Variants in CDC14A observed in about 807,000 individuals in gnomAD.
The protein encoded by CDC14A is dual specificity protein phosphatase CDC14A.
CDC14A carries 53 observed loss-of-function variants against 74.4 expected under a neutral mutation model. The ratio of observed to expected loss-of-function variants is 0.71; its 90% confidence interval spans 0.57 to 0.89. CDC14A has a LOEUF of 0.89. Among genes scored for constraint, CDC14A ranks in the 40% least tolerant of loss-of-function variants. CDC14A has a pLI of 0.00. For synonymous variants in CDC14A, 247 were observed against 258.4 expected (o/e 0.96, Z 0.43); for missense variants, 646 against 713.7 (o/e 0.91, Z 1.08).
chr1:100,410,046 T>C (rs1471278117), intron 4 of CDC14A, among the ~76,000 whole-genome samples: 1 of 151,906 alleles, frequency 6.6e-6, no homozygotes, highest in Non-Finnish European at 1.5e-5. Context: ...CTTGTCTGTA[T>C]AAAAAATAAA....
chr1:100,369,855 A>G (rs556966510), intron 2 of CDC14A, among the ~76,000 whole-genome samples: 57 of 151,268 alleles, frequency 3.8e-4, no homozygotes, highest in Non-Finnish European at 7.4e-4. Flanking sequence ...GAGACACCTA[A>G]GTTGGAGTGC....
At chr1:100,429,032 C>G (rs1223393444) in intron 5 of CDC14A, among the ~76,000 whole-genome samples, 2 of 151,472 alleles carry the variant, frequency 1.3e-5, no homozygotes, top group African/African-American at 4.9e-5. Context: ...GAAACCCTGT[C>G]TCTACTAAAA....
intron 4 of CDC14A, chr1:100,394,020 C>A: frequency 3.8e-6 from 1 of 263,522 alleles, no homozygotes; most frequent in South Asian, 4.1e-5. Flanking sequence ...AAACCTGTGC[C>A]TGCCATTCTG....
At chr1:100,443,348 T>G (rs1665175323) in intron 7 of CDC14A, among the ~76,000 whole-genome samples, 1 of 152,128 alleles carries the variant, frequency 6.6e-6, no homozygotes, top group South Asian at 2.1e-4. Flanking sequence ...TATTTATTTA[T>G]TTTTGAGGCG....
At chr1:100,400,750 A>C (rs1181631396) in intron 4 of CDC14A, among the ~76,000 whole-genome samples, 3 of 152,184 alleles carry the variant, frequency 2.0e-5, no homozygotes, top group Non-Finnish European at 4.4e-5. Context: ...ATATGGGTAG[A>C]GCAGTGTCAC....
chr1:100,490,142 C>T lies in CDC14A; in HGVS notation c.1138-4676C>T, dbSNP rs1016376585. Among the ~76,000 whole-genome samples, 10 of 152,330 alleles carry T rather than the reference C, an allele frequency of 6.6e-5. No individual in the cohort carries two copies. In the South Asian group the frequency reaches 2.1e-3, roughly 32 times the overall value. On this transcript the variant is annotated intron_variant, in intron 11 of 15. Transcript: ENST00000336454. ...TTTGCTAATAAACATTTTCCTCCCACAGGCTCTTATGACCTGGTACATCTT... is the reference window on the plus strand; with the variant it reads ...TTTGCTAATAAACATTTTCCTCCCATAGGCTCTTATGACCTGGTACATCTT...
intron 8 of CDC14A, among the ~76,000 whole-genome samples, chr1:100,457,634 T>TAA (rs1206136809): frequency 7.4e-6 from 1 of 135,140 alleles, no homozygotes; most frequent in African/African-American, 3.4e-5. Flanking sequence ...TGGTTTTTTT[T>TAA]TTTTTTTTTA....
chr1:100,397,257 G>T (rs1009698755), intron 4 of CDC14A, among the ~76,000 whole-genome samples: 5 of 152,168 alleles, frequency 3.3e-5, no homozygotes, highest in African/African-American at 1.2e-4. Flanking sequence ...TTTTAGGGAT[G>T]CCTCTACTAG....
upstream of CDC14A, among the ~76,000 whole-genome samples, chr1:100,351,038 A>G (rs1318263126): frequency 2.0e-5 from 3 of 152,192 alleles, no homozygotes. Flanking sequence ...TACAAAAAAT[A>G]CAAAAATTAG....
At chr1:100,464,467 C>G (rs1192353819) in intron 9 of CDC14A, among the ~76,000 whole-genome samples, 1 of 152,154 alleles carries the variant, frequency 6.6e-6, no homozygotes, top group Non-Finnish European at 1.5e-5. Context: ...CAGTATTGCC[C>G]AGGTCCAAGA....
At chr1:100,517,042 GTCTTT>G (rs1169828898) in intron 15 of CDC14A, among the ~76,000 whole-genome samples, 2 of 152,316 alleles carry the variant, frequency 1.3e-5, no homozygotes, top group African/African-American at 4.8e-5. Flanking sequence ...CGACACCGCT[GTCTTT>G]TCATTTCACA....
chr1:100,472,848 A>G (rs1668521929), intron 10 of CDC14A, among the ~76,000 whole-genome samples: 1 of 151,850 alleles, frequency 6.6e-6, no homozygotes, highest in Admixed American at 6.6e-5. Flanking sequence ...AATTTTTTCT[A>G]TAGCAGCATC....
rs1235268115 is a variant in CDC14A, at chr1:100,508,555, G to A, written c.1755+9293G>A. ...GCTGGCCTTCTTGTTGGCTCTGCCC[G>A]ATCATCTAGGCCTTTCAGTCTAGAA... On this transcript the variant is annotated intron_variant, in intron 15 of 15. Coordinates refer to ENST00000336454, the MANE Select transcript of CDC14A (RefSeq NM_003672.4). This position sits in a 1 kb window ranked among gnomAD's most constrained non-coding sequence, Gnocchi z 4.4. Among the ~76,000 whole-genome samples, 2 of 151,956 alleles carry A rather than the reference G, an allele frequency of 1.3e-5. No homozygotes were observed. The highest frequency in any genetic ancestry group is 2.9e-5 in the Non-Finnish European group (2 of 67,998).
intron 7 of CDC14A, among the ~76,000 whole-genome samples, chr1:100,445,988 T>G (rs1349755515): frequency 6.6e-6 from 1 of 152,248 alleles, no homozygotes; most frequent in Non-Finnish European, 1.5e-5. Context: ...AACTCTTTTC[T>G]GACAATCTGT....
chr1:100,403,647 A>C (rs1029910648), intron 4 of CDC14A, among the ~76,000 whole-genome samples: 9 of 152,340 alleles, frequency 5.9e-5, no homozygotes, highest in Non-Finnish European at 1.2e-4. Context: ...TTAAGCCTTC[A>C]AATAATATGA....
chr1:100,467,055 TCTAAAGAGGCTCCTGGAAGGAAC>T (rs1667906717), intron 9 of CDC14A, among the ~76,000 whole-genome samples: 1 of 152,002 alleles, frequency 6.6e-6, no homozygotes, highest in Admixed American at 6.6e-5. Context: ...GAATAAAATA[TCTAAAGAGGCTCCTGGAAGGAAC>T]AATAATGTAA....
intron 4 of CDC14A, among the ~76,000 whole-genome samples, chr1:100,400,422 G>T (rs1280020124): frequency 1.3e-5 from 2 of 152,142 alleles, no homozygotes; most frequent in African/African-American, 2.4e-5. Flanking sequence ...TATATTAGAT[G>T]TCAGCTACTA....
chr1:100,417,975 AT>A (rs1453772319), intron 4 of CDC14A, among the ~76,000 whole-genome samples: 10 of 152,214 alleles, frequency 6.6e-5, no homozygotes, highest in African/African-American at 2.4e-5. Context: ...AAGGAAACTA[AT>A]TACAAAAGAG....
At chr1:100,408,820 A>G (rs936262736) in intron 4 of CDC14A, among the ~76,000 whole-genome samples, 1 of 152,190 alleles carries the variant, frequency 6.6e-6, no homozygotes, top group East Asian at 1.9e-4. Flanking sequence ...CATATCAATC[A>G]TCTGACACAT....
Sources: gnomAD v4.1 joint callset for allele counts (sites outside exome capture counted in the v4.1 genomes callset) on GRCh38, gnomAD v4.1.1 for gene constraint, Gnocchi (gnomAD v3.1) non-coding constraint, MANE v1.5 for transcripts, NCBI Gene and HGNC (gene_info 2026-07-23, HGNC 2026-07-21) for gene names.